Variants in SPATA13 observed in about 807,000 individuals in gnomAD.
The protein encoded by SPATA13 is spermatogenesis-associated protein 13.
Under a neutral mutation model 104.0 loss-of-function variants are expected in SPATA13, and 50 were observed. The ratio of observed to expected loss-of-function variants is 0.48; its 90% CI spans 0.38 to 0.61. The LOEUF (loss-of-function observed/expected upper bound fraction) is 0.61, where lower values mean the gene tolerates loss of function less well. Among genes scored for constraint, SPATA13 ranks in the 20% least tolerant of loss-of-function variants. The probability of loss-of-function intolerance (pLI) is 0.00; values close to 1 mark genes in which losing one functional copy is unlikely to be tolerated. For synonymous variants in SPATA13, 606 were observed against 667.5 expected, an observed-to-expected ratio of 0.91 and a Z score of 1.42; for missense variants, 1,524 against 1,690.6, an observed-to-expected ratio of 0.90 and a Z score of 1.73.
chr13:24,225,845 C>G (rs1466609980), intron 2 of SPATA13, among the ~76,000 whole-genome samples: 1 of 152,210 alleles, frequency 6.6e-6, no homozygotes, highest in Non-Finnish European at 1.5e-5. Context: ...TAACTCCCAC[C>G]TGCAGCTGGG....
At chr13:24,140,749 T>C (rs1302812227) in intron 3 of SPATA13, among the ~76,000 whole-genome samples, 1 of 152,262 alleles carries the variant, frequency 6.6e-6, no homozygotes, top group Non-Finnish European at 1.5e-5. Context: ...AGTGAACCCA[T>C]GAATTCTGGG....
intron 1 of SPATA13, among the ~76,000 whole-genome samples, chr13:24,203,165 G>A (rs1210187722): frequency 1.3e-5 from 2 of 149,886 alleles, no homozygotes; most frequent in Admixed American, 1.3e-4. Context: ...AGTGTGTGTT[G>A]TTCCCCTCCA....
At chr13:24,001,985 A>C (rs1875996002) in intron 2 of SPATA13, among the ~76,000 whole-genome samples, 1 of 152,056 alleles carries the variant, frequency 6.6e-6, no homozygotes, top group Non-Finnish European at 1.5e-5. Flanking sequence ...GTAGACATTG[A>C]AGTCACCCAG....
chr13:24,266,718 C>A (rs1041483020), intron 4 of SPATA13, among the ~76,000 whole-genome samples: 1 of 152,182 alleles, frequency 6.6e-6, no homozygotes, highest in Non-Finnish European at 1.5e-5. Flanking sequence ...CAATGATGGT[C>A]ATTTCCCAGT....
chr13:24,085,744 G>C (rs575459442), intron 3 of SPATA13, among the ~76,000 whole-genome samples: 7 of 152,358 alleles, frequency 4.6e-5, no homozygotes, highest in African/African-American at 1.7e-4. Flanking sequence ...GGCCCACTCA[G>C]CCAGCCTCTG....
chr13:24,274,059 G>A (rs781364042), intron 4 of SPATA13, among the ~76,000 whole-genome samples: 19 of 152,124 alleles, frequency 1.2e-4, no homozygotes, highest in Non-Finnish European at 2.5e-4. Context: ...TGCTCCAGGC[G>A]GAGAGGTCAG....
At chr13:24,169,395 C>T (rs929137593) in intron 1 of SPATA13, among the ~76,000 whole-genome samples, 2 of 152,080 alleles carry the variant, frequency 1.3e-5, no homozygotes, top group Non-Finnish European at 2.9e-5. Context: ...CAGCTTCTTC[C>T]GACCATTTTA....
intron 1 of SPATA13, among the ~76,000 whole-genome samples, chr13:24,187,322 G>A (rs1368564869): frequency 6.6e-6 from 1 of 152,136 alleles, no homozygotes; most frequent in African/African-American, 2.4e-5. Context: ...CTGGTTGTCT[G>A]GCCTCTTTTC....
At chr13:24,158,348 C>A (rs929454846), upstream of SPATA13, among the ~76,000 whole-genome samples, 3 of 152,166 alleles carry the variant, frequency 2.0e-5, no homozygotes, top group Admixed American at 2.0e-4. Context: ...AAAGCCACTG[C>A]GGGAGACCTA....
intron 10 of SPATA13, 49 bp from the exon 11 acceptor site, chr13:24,297,313 AC>A: frequency 6.4e-7 from 1 of 1,554,462 alleles, no homozygotes; most frequent in South Asian, 1.2e-5. Context: ...AGCTAGGACT[AC>A]AGCTGTGGTA....
intron 3 of SPATA13, among the ~76,000 whole-genome samples, chr13:24,133,633 CAT>C (rs1478130427): frequency 8.5e-5 from 13 of 152,230 alleles, no homozygotes; most frequent in East Asian, 1.9e-4. Context: ...TGGACCATAA[CAT>C]GTGAGGAGGT....
chr13:24,080,749 G>C lies in SPATA13; in HGVS notation c.-112+63048G>C, dbSNP rs533471731. Among the ~76,000 whole-genome samples, 13 of 152,282 alleles carry C rather than the reference G, an allele frequency of 8.5e-5. No homozygotes were observed. The South Asian group carries it at 1.7e-3, about 19-fold the overall frequency. ...TGTAGGGCACAGACTCATCTTCTGT[G>C]CCCTATGGCATGTGGAACGTCCATC... On this transcript the variant is annotated intron_variant, in intron 3 of 14. Coordinates refer to the SPATA13 transcript ENST00000424834.
intron 7 of SPATA13, among the ~76,000 whole-genome samples, chr13:24,288,087 G>A (rs1200256488): frequency 6.6e-6 from 1 of 152,140 alleles, no homozygotes; most frequent in Non-Finnish European, 1.5e-5. Flanking sequence ...TGCCATTTAG[G>A]GAAATAAGAG....
In SPATA13 at chr13:24,161,137, G is replaced by C. The variant is rs1395218993; in HGVS notation, c.-112+205G>C. Among the ~76,000 whole-genome samples, 1 of 152,236 alleles carries C rather than the reference G, an allele frequency of 6.6e-6. No individual in the cohort carries two copies. Among genetic ancestry groups the C allele is most frequent in the Non-Finnish European group, 1.5e-5 (1 of 68,042 alleles). ...CCGTGCGCCCGCTCCCTGCCCGGCG[G>C]TGGCTCTGCGCCCTCTGGGCCACCC... On this transcript the variant is annotated intron_variant, in intron 1 of 12. Coordinates refer to ENST00000382108, the MANE Select transcript of SPATA13 (RefSeq NM_001166271.3). The surrounding 1 kb of genome is among the most constrained non-coding windows in gnomAD (Gnocchi z 4.5).
chr13:24,063,507 A>G (rs891410158), intron 3 of SPATA13, among the ~76,000 whole-genome samples: 3 of 151,760 alleles, frequency 2.0e-5, no homozygotes, highest in Admixed American at 6.6e-5. Context: ...TTTCCTCCCA[A>G]ACATGCCTGC....
intron 4 of SPATA13, among the ~76,000 whole-genome samples, chr13:24,277,187 G>C (rs762229488): frequency 1.3e-5 from 2 of 152,162 alleles, no homozygotes; most frequent in Non-Finnish European, 2.9e-5. Flanking sequence ...GCTTACGCCT[G>C]TAATCCTAGC....
intron 3 of SPATA13, among the ~76,000 whole-genome samples, chr13:24,060,663 A>G (rs1878739514): frequency 6.6e-6 from 1 of 151,934 alleles, no homozygotes; most frequent in African/African-American, 2.4e-5. Context: ...AGAATGGGAG[A>G]AAATATGTGC....
intron 2 of SPATA13, among the ~76,000 whole-genome samples, chr13:23,991,680 CAAG>C (rs1875423963): frequency 1.3e-5 from 2 of 152,096 alleles, no homozygotes; most frequent in African/African-American, 4.8e-5. Context: ...AAAAATTGTT[CAAG>C]AAGTAAATAT....
intron 3 of SPATA13, among the ~76,000 whole-genome samples, chr13:24,073,940 A>G (rs1377836921): frequency 1.3e-5 from 2 of 152,228 alleles, no homozygotes; most frequent in African/African-American, 4.8e-5. Flanking sequence ...ACACCACAAT[A>G]AACTTTGCTG....
Sources: allele counts gnomAD v4.1 joint callset (sites outside exome capture counted in the v4.1 genomes callset), GRCh38; gene constraint gnomAD v4.1.1; non-coding constraint Gnocchi (gnomAD v3.1); transcripts MANE v1.5; gene names NCBI Gene and HGNC (gene_info 2026-07-23, HGNC 2026-07-21).